The following KCNIP4 variants were observed in gnomAD, a reference collection of about 807,000 sequenced individuals.
KCNIP4 encodes Kv channel-interacting protein 4.
Under a neutral mutation model 34.0 loss-of-function variants are expected in KCNIP4, and 12 were observed. The observed-to-expected ratio is 0.35, with a 90% CI of 0.23 to 0.57. The LOEUF (loss-of-function observed/expected upper bound fraction) is 0.57, where lower values mean the gene tolerates loss of function less well. Among genes scored for constraint, KCNIP4 ranks in the 20% least tolerant of loss-of-function variants. KCNIP4 has a pLI of 0.83. For synonymous variants in KCNIP4, 124 were observed against 102.2 expected (o/e 1.21, Z -1.29); for missense variants, 238 against 311.7 (o/e 0.76, Z 1.78).
chr4:20,888,639 A>C (rs1389489694), intron 1 of KCNIP4, among the ~76,000 whole-genome samples: 1 of 152,136 alleles, frequency 6.6e-6, no homozygotes, highest in Non-Finnish European at 1.5e-5. Flanking sequence ...GTTTTCATTA[A>C]TTTATTAAGT....
chr4:21,823,341 T>C (rs1321712636), intron 1 of KCNIP4, among the ~76,000 whole-genome samples: 2 of 152,056 alleles, frequency 1.3e-5, no homozygotes, highest in Admixed American at 1.3e-4. Context: ...AAATTTGTTA[T>C]ATGGTTAAAC....
rs1560655293 is a variant in KCNIP4, at chr4:21,714,785, G to GATTTATTTCATTTTATCTATTTT, written c.61+233785_61+233786insAAAATAGATAAAATGAAATAAAT. On this transcript the variant is annotated intron_variant, in intron 1 of 8. Transcript: ENST00000382152. ...AAGAATGTGTTAGTAATTTCCCTTT[G>GATTTATTTCATTTTATCTATTTT]ATTATTTTATTTTATTTTATTTTAT... Among the ~76,000 whole-genome samples, 70 of 43,372 alleles carry GATTTATTTCATTTTATCTATTTT rather than the reference G, an allele frequency of 1.6e-3. 14 individuals are homozygous for GATTTATTTCATTTTATCTATTTT. Among genetic ancestry groups the GATTTATTTCATTTTATCTATTTT allele is most frequent in the African/African-American group, 0.014 (68 of 5,006 alleles). The allele number at this position is 43,372 out of a possible 152,430, so 28.5% of individuals were successfully genotyped here. A position where few individuals can be genotyped will look rare whatever the true frequency, so the allele number is the denominator to read the frequency against.
chr4:21,418,465 C>G (rs191221613), intron 1 of KCNIP4, among the ~76,000 whole-genome samples: 1 of 151,798 alleles, frequency 6.6e-6, no homozygotes, highest in African/African-American at 2.4e-5. Context: ...CCATTGCACT[C>G]CAGCCTGGGT....
chr4:21,247,468 G>A (rs1760294189), intron 1 of KCNIP4, among the ~76,000 whole-genome samples: 1 of 151,098 alleles, frequency 6.6e-6, no homozygotes, highest in Non-Finnish European at 1.5e-5. Flanking sequence ...AGAGACAGGT[G>A]TAGTTCTTGT....
At position 20,762,582 on chromosome 4, in the gene KCNIP4, G is replaced by T. The variant is rs1578558777; in HGVS notation, c.289-3692C>A. On this transcript the variant is annotated intron_variant, in intron 3 of 8. Coordinates refer to ENST00000382152, the MANE Select transcript of KCNIP4 (RefSeq NM_025221.6). ...GTGCAGTGATCTCTCCATAAAAGTG[G>T]TCTCTCTACTTCTCTATCAAGAATG... Among the ~76,000 whole-genome samples the T allele has an allele frequency of 2.0e-5, 3 of 152,274 alleles. No individual in the cohort carries two copies. In the South Asian group the frequency reaches 6.2e-4, roughly 32 times the overall value.
chr4:21,507,772 A>C (rs1392838312), intron 1 of KCNIP4, among the ~76,000 whole-genome samples: 2 of 152,194 alleles, frequency 1.3e-5, no homozygotes, highest in African/African-American at 4.8e-5. Flanking sequence ...TAACAGGATA[A>C]AATTATCATC....
chr4:21,025,473 TGAGAGAGAGA>T lies in KCNIP4; in HGVS notation c.62-142774_62-142765del, dbSNP rs33926876. On this transcript the variant is annotated intron_variant, in intron 1 of 8. Transcript: ENST00000382152. ...TTATGGTGCATGTAGTGAAAACAAC[TGAGAGAGAGA>T]GAGAGAGAGAGAGAGAGAGAGAGAG... Among the ~76,000 whole-genome samples, 440 of 95,122 alleles carry T rather than the reference TGAGAGAGAGA, an allele frequency of 4.6e-3. 5 individuals are homozygous for T. Among genetic ancestry groups the T allele is most frequent in the Middle Eastern group, 0.014 (2 of 140 alleles). 62.4% of individuals were successfully genotyped at this position (95,122 alleles called of 152,430 possible).
chr4:20,970,618 A>C (rs1379617374), intron 1 of KCNIP4, among the ~76,000 whole-genome samples: 1 of 152,206 alleles, frequency 6.6e-6, no homozygotes, highest in Admixed American at 6.5e-5. Context: ...ATTGGTAGAG[A>C]CCAGGGATGC....
chr4:21,050,363 A>G (rs569257160), intron 1 of KCNIP4, among the ~76,000 whole-genome samples: 13 of 152,282 alleles, frequency 8.5e-5, no homozygotes, highest in African/African-American at 2.4e-4. Flanking sequence ...GAGTAAATTT[A>G]TCCCCCTGTT....
chr4:21,946,927 T>C (rs1730542095), intron 1 of KCNIP4, among the ~76,000 whole-genome samples: 1 of 152,314 alleles, frequency 6.6e-6, no homozygotes, highest in Non-Finnish European at 1.5e-5. Flanking sequence ...ATAGTGATTA[T>C]GGCCACCCAT....
At chr4:21,831,885 C>T (rs959134593) in intron 1 of KCNIP4, among the ~76,000 whole-genome samples, 1 of 151,950 alleles carries the variant, frequency 6.6e-6, no homozygotes, top group African/African-American at 2.4e-5. Context: ...CCCTGAGGAA[C>T]ATAGATGCAA....
intron 1 of KCNIP4, among the ~76,000 whole-genome samples, chr4:21,716,063 C>T (rs1183917394): frequency 6.6e-6 from 1 of 152,078 alleles, no homozygotes; most frequent in Non-Finnish European, 1.5e-5. Flanking sequence ...TTAGCATCAC[C>T]ATTAAAAAGC....
chr4:21,585,787 G>A (rs192839636), intron 1 of KCNIP4, among the ~76,000 whole-genome samples: 2 of 152,124 alleles, frequency 1.3e-5, no homozygotes, highest in African/African-American at 4.8e-5. Flanking sequence ...CATGAAGTGA[G>A]GGTGTTGGAA....
intron 1 of KCNIP4, among the ~76,000 whole-genome samples, chr4:20,960,403 CA>C (rs1175171038): frequency 6.6e-6 from 1 of 152,176 alleles, no homozygotes; most frequent in African/African-American, 2.4e-5. Flanking sequence ...AGGAAAGCAG[CA>C]AAAAATCTGT....
At chr4:20,894,604 C>G (rs1446684026) in intron 1 of KCNIP4, among the ~76,000 whole-genome samples, 1 of 152,144 alleles carries the variant, frequency 6.6e-6, no homozygotes, top group Non-Finnish European at 1.5e-5. Context: ...GCTTTGGCTT[C>G]TACTCAGAGT....
At chr4:21,234,271 ATATAT>A (rs1185426856) in intron 1 of KCNIP4, among the ~76,000 whole-genome samples, 981 of 89,854 alleles carry the variant, frequency 0.011, 198 homozygotes, top group African/African-American at 0.056. Flanking sequence ...CATATATAAC[ATATAT>A]TATATATAAC....
rs78626688 is a variant in KCNIP4 at position 21,158,216 on chromosome 4, C to T, written c.62-275507G>A. ...GGCCCAGATGGTTTTGCCTTCGATT[C>T]TACCAAACATACAACGGGGAGATTA... On this transcript the variant is annotated intron_variant, in intron 1 of 8. Coordinates refer to ENST00000382152, the MANE Select transcript of KCNIP4 (RefSeq NM_025221.6). 1.8e-3 allele frequency among the ~76,000 whole-genome samples: 273 copies of T among 152,148 alleles called. 1 individual carries two copies. The highest frequency in any genetic ancestry group is 6.1e-3 in the African/African-American group (254 of 41,542).
At position 21,184,608 on chromosome 4, in the gene KCNIP4, T is replaced by C. The variant is rs186831274; in HGVS notation, c.62-301899A>G. ...GCCAAGGTGATAGGTTTGGCACTTT[T>C]GTGTGTTCCACTTAGGTTCGTTCTC... On this transcript the variant is annotated intron_variant, in intron 1 of 8. Transcript: ENST00000382152. Among the ~76,000 whole-genome samples, 45 of 152,334 alleles carry C rather than the reference T, an allele frequency of 3.0e-4. No homozygotes were observed. The South Asian group carries it at 4.8e-3, about 16-fold the overall frequency.
intron 1 of KCNIP4, among the ~76,000 whole-genome samples, chr4:21,291,317 T>C (rs1578029205): frequency 7.8e-6 from 1 of 128,924 alleles, no homozygotes; most frequent in South Asian, 3.0e-4. Flanking sequence ...TGGAGTGTGC[T>C]AGAGTGTGCA....
Sources: gnomAD v4.1 joint callset for allele counts (sites outside exome capture counted in the v4.1 genomes callset) on GRCh38, gnomAD v4.1.1 for gene constraint, MANE v1.5 for transcripts, NCBI Gene and HGNC (gene_info 2026-07-23, HGNC 2026-07-21) for gene names.